AGFG1: variants seen among roughly 807,000 people sequenced by gnomAD.
AGFG1 encodes the protein arf-GAP domain and FG repeat-containing protein 1.
AGFG1 carries 10 observed loss-of-function variants against 60.6 expected under a neutral mutation model. The ratio of observed to expected loss-of-function variants is 0.16; its 90% CI spans 0.10 to 0.28. AGFG1 has a LOEUF of 0.28. Among genes scored for constraint, AGFG1 ranks in the 10% least tolerant of loss-of-function variants. The probability of loss-of-function intolerance (pLI) is 1.00; values close to 1 mark genes in which losing one functional copy is unlikely to be tolerated. For synonymous variants in AGFG1, 247 were observed against 242.9 expected (o/e 1.02, Z -0.16); for missense variants, 537 against 676.5 (o/e 0.79, Z 2.29).
intron 1 of AGFG1, among the ~76,000 whole-genome samples, chr2:227,485,238 C>T (rs530212053): frequency 1.8e-4 from 21 of 119,158 alleles, no homozygotes; most frequent in Admixed American, 1.6e-3. Context: ...TTCACCGAAT[C>T]GTTTCTTTTT....
chr2:227,557,267 TA>T lies in AGFG1; in HGVS notation c.*2773del. 6.6e-6 allele frequency: 1 copy of T among 152,306 alleles called. No homozygotes were observed. Among genetic ancestry groups the T allele is most frequent in the Middle Eastern group, 3.4e-3 (1 of 294 alleles). The allele number at this position is 152,306 out of a possible 1,614,324, so 9.4% of individuals were successfully genotyped here. On this transcript the variant is annotated 3_prime_UTR_variant, in exon 13 of 13. Coordinates refer to ENST00000310078, the MANE Select transcript of AGFG1 (RefSeq NM_004504.5). ...GACATTTTTTCCCCATTTTTTGAAA[TA>T]GAGAATATTTTATTATTTTTGTGAA...
At chr2:227,486,320 C>A (rs912354132) in intron 1 of AGFG1, among the ~76,000 whole-genome samples, 1 of 151,888 alleles carries the variant, frequency 6.6e-6, no homozygotes, top group Admixed American at 6.6e-5. Context: ...TGTTAATAGT[C>A]GTAGGGTTTT....
At chr2:227,537,812 T>G (rs78495441) in intron 10 of AGFG1, among the ~76,000 whole-genome samples, 1 of 152,302 alleles carries the variant, frequency 6.6e-6, no homozygotes, top group African/African-American at 2.4e-5. Flanking sequence ...TAGCAAATGT[T>G]GATATGAACT....
At chr2:227,490,438 C>T (rs545217416) in intron 1 of AGFG1, among the ~76,000 whole-genome samples, 2 of 152,068 alleles carry the variant, frequency 1.3e-5, no homozygotes, top group African/African-American at 2.4e-5. Context: ...ATTAGCCGGA[C>T]GTGGTGGCGG....
rs760523895 is a variant in AGFG1 at position 227,536,962 on chromosome 2, C to T, written c.1347C>T (p.Asn449=). Residue 449 remains asparagine (N), a synonymous_variant, in exon 10 of 13, where the codon AAC becomes AAT. Coordinates refer to ENST00000310078, the MANE Select transcript of AGFG1 (RefSeq NM_004504.5). ...GTCCTTCTGTGGCATCTTCTACAAA[C>T]CCATTTCAGACCAATGCCAGAGGAG... ...AAGPSVASST[N]PFQTNARGAT... 1 of 1,613,080 alleles carries T rather than the reference C, an allele frequency of 6.2e-7. No homozygotes were observed. Among genetic ancestry groups the T allele is most frequent in the East Asian group, 2.2e-5 (1 of 44,864 alleles).
intron 2 of AGFG1, among the ~76,000 whole-genome samples, chr2:227,495,606 G>A (rs1414387259): frequency 6.6e-6 from 1 of 151,862 alleles, no homozygotes; most frequent in African/African-American, 2.4e-5. Flanking sequence ...TGATGTCATG[G>A]GCAAATTATG....
intron 5 of AGFG1, among the ~76,000 whole-genome samples, chr2:227,525,895 A>T (rs953692682): frequency 2.0e-5 from 3 of 152,222 alleles, no homozygotes; most frequent in African/African-American, 7.2e-5. Context: ...GCATAAAAAT[A>T]ATGATGTTCT....
intron 6 of AGFG1, 23 bp downstream of exon 6, chr2:227,531,233 C>T (rs762972103): frequency 6.3e-7 from 1 of 1,599,314 alleles, no homozygotes; most frequent in East Asian, 2.2e-5. Flanking sequence ...CAGCATTGTG[C>T]TTAAATGTTT....
chr2:227,490,300 C>T (rs775466761), intron 1 of AGFG1, among the ~76,000 whole-genome samples: 28 of 151,962 alleles, frequency 1.8e-4, no homozygotes, highest in South Asian at 6.2e-4. Flanking sequence ...TGCAGTTGGC[C>T]GGGCGTGGTC....
At chr2:227,540,981 G>A (rs1022342118) in intron 10 of AGFG1, among the ~76,000 whole-genome samples, 3 of 152,220 alleles carry the variant, frequency 2.0e-5, no homozygotes, top group Admixed American at 2.0e-4. Context: ...TCTGTTGGCT[G>A]CATAAATGTT....
chr2:227,496,272 C>A (rs747218734), intron 2 of AGFG1, among the ~76,000 whole-genome samples: 2 of 151,992 alleles, frequency 1.3e-5, no homozygotes, highest in Admixed American at 6.6e-5. Context: ...CATGCAATAA[C>A]GTACACTTTT....
Position 227,555,130 on chromosome 2 carries a change from G to A in AGFG1, c.*635G>A, listed in dbSNP as rs1692934837. ...AATAAATATTATAAAATATGCTATT[G>A]TTTTTGTGTTCTTGCTGCAATGCCT... On this transcript the variant is annotated 3_prime_UTR_variant, in exon 13 of 13. Transcript: ENST00000310078. 6.6e-6 allele frequency: 1 copy of A among 152,558 alleles called. No individual in the cohort carries two copies. The highest frequency in any genetic ancestry group is 2.4e-5 in the African/African-American group (1 of 41,454). The allele number at this position is 152,558 out of a possible 1,614,324, so 9.5% of individuals were successfully genotyped here.
Position 227,533,717 on chromosome 2 carries a change from C to T in AGFG1, c.983C>T (p.Ala328Val). The T allele has an allele frequency of 6.2e-7, 1 of 1,613,758 alleles. No homozygotes were observed. Among genetic ancestry groups the T allele is most frequent in the South Asian group, 1.1e-5 (1 of 91,070 alleles). Residue 328 changes from alanine (A) to valine (V), a missense_variant, in exon 7 of 13, where the codon GCA becomes GTA. By Grantham distance (64) the Ala-to-Val change is moderately conservative (BLOSUM62 0). This residue lies in a region of AGFG1 where 287 missense variants were observed against 343.6 expected (regional missense o/e 0.84). Coordinates refer to ENST00000310078, the MANE Select transcript of AGFG1 (RefSeq NM_004504.5). ...GGTTTACAGACTGCAGACAAATATG[C>T]AGCACTTGCTAATTTAGACAATATC... ...KAGLQTADKYAALANLDNIFS... is the reference protein window; with the variant it reads ...KAGLQTADKYVALANLDNIFS...
At chr2:227,510,361 T>C (rs542853114) in intron 2 of AGFG1, among the ~76,000 whole-genome samples, 3 of 152,144 alleles carry the variant, frequency 2.0e-5, no homozygotes, top group African/African-American at 7.2e-5. Flanking sequence ...AGAAATTGAA[T>C]TAAGGTTCAC....
At chr2:227,539,014 C>T (rs1692397437) in intron 10 of AGFG1, among the ~76,000 whole-genome samples, 1 of 152,190 alleles carries the variant, frequency 6.6e-6, no homozygotes, top group Non-Finnish European at 1.5e-5. Flanking sequence ...GACCAAATCA[C>T]AAGCATTAAC....
At chr2:227,488,990 T>G (rs1690718262) in intron 1 of AGFG1, among the ~76,000 whole-genome samples, 1 of 151,694 alleles carries the variant, frequency 6.6e-6, no homozygotes, top group African/African-American at 2.4e-5. Flanking sequence ...ATTTTTGTAG[T>G]TTTTAGTAGA....
At chr2:227,532,392 T>C (rs1180688478) in intron 6 of AGFG1, among the ~76,000 whole-genome samples, 1 of 152,184 alleles carries the variant, frequency 6.6e-6, no homozygotes, top group Non-Finnish European at 1.5e-5. Flanking sequence ...AAAGAGTTAC[T>C]TGGTTTAATA....
In AGFG1 at chr2:227,553,000, CAAAAAAA is replaced by C. The variant is rs5839220; in HGVS notation, c.1538-689_1538-683del. Among the ~76,000 whole-genome samples, 4 of 92,418 alleles carry C rather than the reference CAAAAAAA, an allele frequency of 4.3e-5. No individual in the cohort carries two copies. The South Asian group carries it at 1.2e-3, about 28-fold the overall frequency. 60.6% of individuals were successfully genotyped at this position (92,418 alleles called of 152,430 possible). ...GGGTGACAAGAGTGAAATTCCATCT[CAAAAAAA>C]AAAAAAAAAAAAAATCTGAAATATG... On this transcript the variant is annotated intron_variant, in intron 11 of 12. Coordinates refer to ENST00000310078, the MANE Select transcript of AGFG1 (RefSeq NM_004504.5).
chr2:227,508,864 T>C (rs1157158423), intron 2 of AGFG1, among the ~76,000 whole-genome samples: 1 of 152,168 alleles, frequency 6.6e-6, no homozygotes, highest in Non-Finnish European at 1.5e-5. Flanking sequence ...TCCTGAGATA[T>C]ACTGTAACCT....
Sources: allele counts gnomAD v4.1 joint callset (sites outside exome capture counted in the v4.1 genomes callset), GRCh38; gene constraint gnomAD v4.1.1; regional missense constraint gnomAD v4.1.1; transcripts MANE v1.5; gene names NCBI Gene and HGNC (gene_info 2026-07-23, HGNC 2026-07-21).